The following WDSUB1 variants were observed in gnomAD, a reference collection of about 807,000 sequenced individuals.
WDSUB1 encodes WD repeat, sterile alpha motif and U-box domain containing 1.
In WDSUB1, 49 loss-of-function variants were observed where a neutral mutation model predicts 53.9. The observed-to-expected ratio is 0.91, with a 90% CI of 0.72 to 1.15. The LOEUF (loss-of-function observed/expected upper bound fraction) is 1.15, where lower values mean the gene tolerates loss of function less well. Ranked by LOEUF, WDSUB1 falls within the 50% of genes most tolerant of loss-of-function variation. WDSUB1 has a pLI of 0.00. For missense variants in WDSUB1, 514 were observed against 562.0 expected, an observed-to-expected ratio of 0.91 and a Z score of 0.86; for synonymous variants, 194 against 200.6, an observed-to-expected ratio of 0.97 and a Z score of 0.28.
At chr2:159,283,487 C>T (rs2061721620) in intron 1 of WDSUB1, among the ~76,000 whole-genome samples, 1 of 152,118 alleles carries the variant, frequency 6.6e-6, no homozygotes, top group Non-Finnish European at 1.5e-5. Flanking sequence ...CAGAAGAATC[C>T]CTTGAAGGGA....
At chr2:159,236,983 G>C (rs1226547775) in intron 10 of WDSUB1, among the ~76,000 whole-genome samples, 1 of 152,090 alleles carries the variant, frequency 6.6e-6, no homozygotes, top group African/African-American at 2.4e-5. Flanking sequence ...GTAAAGATTG[G>C]ACTTTTGCTT....
intron 10 of WDSUB1, among the ~76,000 whole-genome samples, chr2:159,245,892 A>G (rs1165761501): frequency 6.6e-6 from 1 of 152,160 alleles, no homozygotes; most frequent in Non-Finnish European, 1.5e-5. Context: ...AAAATTAAAA[A>G]CGTTGTCTCT....
chr2:159,260,545 T>C (rs1446036510), intron 5 of WDSUB1, among the ~76,000 whole-genome samples: 1 of 152,218 alleles, frequency 6.6e-6, no homozygotes, highest in Non-Finnish European at 1.5e-5. Context: ...GTGCCTTAAA[T>C]GCTAATCAAT....
At chr2:159,264,502 G>C (rs2061295720) in intron 5 of WDSUB1, among the ~76,000 whole-genome samples, 1 of 152,210 alleles carries the variant, frequency 6.6e-6, no homozygotes, top group African/African-American at 2.4e-5. Flanking sequence ...CAACTGTCTT[G>C]TTGGGGAGAG....
At chr2:159,264,734 G>A (rs775439684) in intron 5 of WDSUB1, among the ~76,000 whole-genome samples, 6 of 152,242 alleles carry the variant, frequency 3.9e-5, no homozygotes, top group South Asian at 2.1e-4. Flanking sequence ...GTGGGTTGCC[G>A]ATCAAAAGTC....
intron 10 of WDSUB1, among the ~76,000 whole-genome samples, chr2:159,246,028 A>G (rs2151059012): frequency 6.6e-6 from 1 of 152,344 alleles, no homozygotes; most frequent in Non-Finnish European, 1.5e-5. Flanking sequence ...ATCCAACATG[A>G]AATGGGGAAA....
chr2:159,274,016 TCAAG>T (rs1364369604), intron 4 of WDSUB1, among the ~76,000 whole-genome samples: 2 of 152,076 alleles, frequency 1.3e-5, no homozygotes, highest in Non-Finnish European at 2.9e-5. Context: ...CATGAAAATG[TCAAG>T]GAAGGAATTA....
At chr2:159,257,258 T>C (rs1441331606) in intron 8 of WDSUB1, among the ~76,000 whole-genome samples, 3 of 152,142 alleles carry the variant, frequency 2.0e-5, no homozygotes, top group Admixed American at 2.0e-4. Context: ...CACCTCGGCC[T>C]CCCAAAGTGC....
chr2:159,265,311 ACACACACT>A (rs1192315540), intron 5 of WDSUB1, among the ~76,000 whole-genome samples: 110 of 151,280 alleles, frequency 7.3e-4, no homozygotes, highest in Non-Finnish European at 1.3e-3. Flanking sequence ...ACACACACAC[ACACACACT>A]CACTCTCTCT....
chr2:159,243,062 A>C (rs2060703140), intron 10 of WDSUB1, among the ~76,000 whole-genome samples: 1 of 147,992 alleles, frequency 6.8e-6, no homozygotes, highest in Non-Finnish European at 1.5e-5. Flanking sequence ...CAATAGAAAG[A>C]AATTGGTTCA....
chr2:159,271,902 T>A, intron 4 of WDSUB1, 107 bp from the exon 5 acceptor site: 2 of 863,462 alleles, frequency 2.3e-6, no homozygotes, highest in Non-Finnish European at 3.6e-6. Context: ...TTTGAGTGCC[T>A]AAAGGACACA....
At chr2:159,273,875 A>G (rs1242306536) in intron 4 of WDSUB1, among the ~76,000 whole-genome samples, 1 of 152,212 alleles carries the variant, frequency 6.6e-6, no homozygotes, top group Non-Finnish European at 1.5e-5. Flanking sequence ...TCTTCTCTAT[A>G]CACTATAAAC....
At chr2:159,241,797 C>G (rs1244456822) in intron 10 of WDSUB1, among the ~76,000 whole-genome samples, 1 of 143,230 alleles carries the variant, frequency 7.0e-6, no homozygotes, top group Non-Finnish European at 1.5e-5. Flanking sequence ...ACTGCAACCT[C>G]TGCCTTCCGG....
At chr2:159,278,194 A>C (rs1377333908) in intron 3 of WDSUB1, among the ~76,000 whole-genome samples, 1 of 152,210 alleles carries the variant, frequency 6.6e-6, no homozygotes, top group Non-Finnish European at 1.5e-5. Context: ...ACAGAAATGG[A>C]AGCAATGGCT....
At position 159,236,021 on chromosome 2, in the gene WDSUB1, A is replaced by G. The variant is rs777091463; in HGVS notation, c.*12T>C. ...GATCACTGAAAATATAAATAATACA[A>G]TATCAACAATTTTACTTTTGGTGTG... On this transcript the variant is annotated 3_prime_UTR_variant, in exon 11 of 11. Coordinates refer to ENST00000359774, the MANE Select transcript of WDSUB1 (RefSeq NM_001128212.3). 8.8e-6 allele frequency: 14 copies of G among 1,586,500 alleles called. No individual in the cohort carries two copies. The African/African-American group carries it at 1.4e-4, about 15-fold the overall frequency.
At chr2:159,247,930 T>TATATATATATATATATAA (rs2060852594) in intron 10 of WDSUB1, among the ~76,000 whole-genome samples, 1 of 63,296 alleles carries the variant, frequency 1.6e-5, no homozygotes, top group East Asian at 7.8e-4. Context: ...TATATATAAA[T>TATATATATATATATATAA]ATATATATAT....
intron 1 of WDSUB1, among the ~76,000 whole-genome samples, chr2:159,285,315 G>A (rs1300846857): frequency 6.6e-6 from 1 of 152,098 alleles, no homozygotes; most frequent in Non-Finnish European, 1.5e-5. Context: ...CTGGTGTCAA[G>A]TGAGGCAGAA....
intron 4 of WDSUB1, among the ~76,000 whole-genome samples, chr2:159,274,715 C>T (rs1250386856): frequency 3.9e-5 from 6 of 152,180 alleles, no homozygotes; most frequent in African/African-American, 1.2e-4. Context: ...CCAGCAATAA[C>T]GAACCACTTC....
At chr2:159,271,244 T>C (rs527938108) in intron 5 of WDSUB1, among the ~76,000 whole-genome samples, 1 of 152,310 alleles carries the variant, frequency 6.6e-6, no homozygotes, top group South Asian at 2.1e-4. Context: ...CACCAGGACA[T>C]ACAATATATT....
Sources: gnomAD v4.1 joint callset for allele counts (sites outside exome capture counted in the v4.1 genomes callset) on GRCh38, gnomAD v4.1.1 for gene constraint, MANE v1.5 for transcripts, NCBI Gene and HGNC (gene_info 2026-07-23, HGNC 2026-07-21) for gene names.